LRRC4C: variants seen among roughly 807,000 people sequenced by gnomAD.
The protein encoded by LRRC4C is leucine-rich repeat-containing protein 4C.
In LRRC4C, 5 loss-of-function variants were observed where a neutral mutation model predicts 33.6. That is an observed-to-expected ratio of 0.15 (90% confidence interval 0.08 to 0.31). LRRC4C has a LOEUF of 0.31. Among genes scored for constraint, LRRC4C ranks in the 10% least tolerant of loss-of-function variants. LRRC4C has a pLI of 1.00. For synonymous variants in LRRC4C, 329 were observed against 302.0 expected (o/e 1.09, Z -0.93); for missense variants, 560 against 796.7 (o/e 0.70, Z 3.58).
chr11:40,846,465 T>C (rs1301445125), intron 2 of LRRC4C, among the ~76,000 whole-genome samples: 2 of 152,152 alleles, frequency 1.3e-5, no homozygotes, highest in African/African-American at 4.8e-5. Context: ...TTTTGTCTAG[T>C]TTGTCAAGGA....
chr11:40,858,052 G>GGAAGGGAAGGGAAGA (rs1953887433), intron 2 of LRRC4C, among the ~76,000 whole-genome samples: 1 of 143,214 alleles, frequency 7.0e-6, no homozygotes, highest in Admixed American at 7.0e-5. Context: ...GGAAGGGAAG[G>GGAAGGGAAGGGAAGA]GAAAACTCTA....
chr11:40,731,719 A>C (rs1444892661), intron 2 of LRRC4C, among the ~76,000 whole-genome samples: 1 of 152,220 alleles, frequency 6.6e-6, no homozygotes, highest in East Asian at 1.9e-4. Context: ...TGCTATGAAC[A>C]GAACAGCCTT....
intron 5 of LRRC4C, among the ~76,000 whole-genome samples, chr11:40,203,902 T>C (rs551427587): frequency 3.3e-5 from 5 of 152,306 alleles, no homozygotes; most frequent in South Asian, 2.1e-4. Flanking sequence ...AAATCTGAGA[T>C]CTTTAAGATA....
chr11:40,166,377 A>C (rs1363135240), intron 5 of LRRC4C, among the ~76,000 whole-genome samples: 3 of 152,200 alleles, frequency 2.0e-5, no homozygotes, highest in Non-Finnish European at 4.4e-5. Flanking sequence ...ATTTATATAT[A>C]GTATATGAAC....
intron 5 of LRRC4C, among the ~76,000 whole-genome samples, chr11:40,154,742 AAC>A (rs1488503435): frequency 3.3e-5 from 5 of 152,208 alleles, no homozygotes; most frequent in African/African-American, 1.2e-4. Context: ...GATAGACAGC[AAC>A]ACAATAATAG....
chr11:40,744,601 T>C (rs568740385), intron 2 of LRRC4C, among the ~76,000 whole-genome samples: 1 of 152,172 alleles, frequency 6.6e-6, no homozygotes, highest in Non-Finnish European at 1.5e-5. Flanking sequence ...CATAGTATCC[T>C]ATACTGCTTG....
intron 4 of LRRC4C, among the ~76,000 whole-genome samples, chr11:40,268,967 C>T (rs1257556224): frequency 6.6e-6 from 1 of 152,088 alleles, no homozygotes; most frequent in Admixed American, 6.5e-5. Flanking sequence ...TGTTTAAGGC[C>T]GTTTTGAATT....
At chr11:40,843,901 G>A (rs540241450) in intron 2 of LRRC4C, among the ~76,000 whole-genome samples, 2 of 152,238 alleles carry the variant, frequency 1.3e-5, no homozygotes, top group Admixed American at 1.3e-4. Flanking sequence ...AGAGTATGAG[G>A]AGTTTTATAT....
intron 1 of LRRC4C, among the ~76,000 whole-genome samples, chr11:41,207,512 C>T (rs1367458320): frequency 6.6e-6 from 1 of 152,074 alleles, no homozygotes; most frequent in Non-Finnish European, 1.5e-5. Context: ...AAGAGTAGGG[C>T]CTTAATTTCA....
chr11:40,399,860 A>G (rs1417350462), intron 3 of LRRC4C, among the ~76,000 whole-genome samples: 1 of 152,112 alleles, frequency 6.6e-6, no homozygotes, highest in African/African-American at 2.4e-5. Flanking sequence ...AGTTTAGTCT[A>G]TAAGAGTAAA....
At chr11:41,456,093 A>T (rs559995113) in intron 1 of LRRC4C, among the ~76,000 whole-genome samples, 3 of 152,242 alleles carry the variant, frequency 2.0e-5, no homozygotes, top group Non-Finnish European at 2.9e-5. Context: ...AGTGATGGAG[A>T]ACAGTACCAA....
At chr11:40,725,704 A>G (rs1021245398) in intron 2 of LRRC4C, among the ~76,000 whole-genome samples, 1 of 152,184 alleles carries the variant, frequency 6.6e-6, no homozygotes. Context: ...ATCAAACTGC[A>G]CAGCTGTTAA....
At chr11:40,606,567 T>TA (rs1234119915) in intron 3 of LRRC4C, among the ~76,000 whole-genome samples, 3 of 149,556 alleles carry the variant, frequency 2.0e-5, no homozygotes, top group South Asian at 2.1e-4. Flanking sequence ...AAAATGACCC[T>TA]AAAAAAAAGA....
intron 1 of LRRC4C, among the ~76,000 whole-genome samples, chr11:41,252,249 C>T (rs1018659679): frequency 3.3e-5 from 5 of 152,168 alleles, no homozygotes; most frequent in East Asian, 3.9e-4. Flanking sequence ...TTGGTCAATA[C>T]GTTTCCTAAT....
chr11:40,439,392 A>C (rs1249232540), intron 3 of LRRC4C, among the ~76,000 whole-genome samples: 1 of 151,950 alleles, frequency 6.6e-6, no homozygotes, highest in Non-Finnish European at 1.5e-5. Flanking sequence ...CTCAGAATTA[A>C]ATGATATTTA....
intron 3 of LRRC4C, among the ~76,000 whole-genome samples, chr11:40,516,325 C>CA (rs146233164): frequency 0.094 from 14,296 of 152,090 alleles, 798 homozygotes; most frequent in Middle Eastern, 0.15. Flanking sequence ...AGTCATTCTA[C>CA]AAAGTTTAGA....
intron 1 of LRRC4C, among the ~76,000 whole-genome samples, chr11:40,941,341 G>A (rs1257312299): frequency 1.3e-5 from 2 of 152,010 alleles, no homozygotes; most frequent in Non-Finnish European, 2.9e-5. Context: ...AGCTGTCTAA[G>A]AATATGCTTT....
intron 2 of LRRC4C, among the ~76,000 whole-genome samples, chr11:40,722,981 AG>A (rs1947102545): frequency 1.3e-5 from 2 of 152,210 alleles, no homozygotes; most frequent in Admixed American, 1.3e-4. Flanking sequence ...ACAACAGATG[AG>A]ACCAAGCAGG....
intron 1 of LRRC4C, among the ~76,000 whole-genome samples, chr11:41,292,924 CA>C (rs1490535155): frequency 6.6e-6 from 1 of 152,076 alleles, no homozygotes; most frequent in Non-Finnish European, 1.5e-5. Context: ...ACACTGTGAC[CA>C]GTAGACATAT....
Sources: allele counts gnomAD v4.1 joint callset (sites outside exome capture counted in the v4.1 genomes callset), GRCh38; gene constraint gnomAD v4.1.1; transcripts MANE v1.5; gene names NCBI Gene and HGNC (gene_info 2026-07-23, HGNC 2026-07-21).